The following LRRC4C variants were observed in gnomAD, a reference collection of about 807,000 sequenced individuals.
LRRC4C encodes leucine rich repeat containing 4C.
Under a neutral mutation model 33.6 loss-of-function variants are expected in LRRC4C, and 5 were observed. That is an observed-to-expected ratio of 0.15 (90% CI 0.08 to 0.31). The LOEUF is 0.31. Among genes scored for constraint, LRRC4C ranks in the 10% least tolerant of loss-of-function variants. The probability of loss-of-function intolerance (pLI) is 1.00; values close to 1 mark genes in which losing one functional copy is unlikely to be tolerated. For synonymous variants in LRRC4C, 329 were observed against 302.0 expected, an observed-to-expected ratio of 1.09 and a Z score of -0.93; for missense variants, 560 against 796.7, an observed-to-expected ratio of 0.70 and a Z score of 3.58.
intron 1 of LRRC4C, among the ~76,000 whole-genome samples, chr11:41,297,903 A>G (rs764131222): frequency 3.8e-4 from 58 of 152,184 alleles, no homozygotes; most frequent in Non-Finnish European, 6.9e-4. Context: ...TTTCACTATT[A>G]CCTTTTAATA....
rs574575208 is a variant in LRRC4C, at chr11:40,767,206, T to G, written c.-406-118928A>C. 2.0e-5 allele frequency among the ~76,000 whole-genome samples: 3 copies of G among 151,992 alleles called. No individual in the cohort carries two copies. In the South Asian group the frequency reaches 6.2e-4, roughly 32 times the overall value. ...TATTTAACAAAATAGATTTCAAGAT[T>G]AAAAACTATAAAAAAGACAAAGGAG... On this transcript the variant is annotated intron_variant, in intron 2 of 6. Coordinates refer to ENST00000528697, the MANE Select transcript of LRRC4C (RefSeq NM_001258419.2).
chr11:40,960,971 G>A (rs1850939343), intron 1 of LRRC4C, among the ~76,000 whole-genome samples: 1 of 151,650 alleles, frequency 6.6e-6, no homozygotes, highest in South Asian at 2.1e-4. Flanking sequence ...GAAGCTGTCA[G>A]GTCTCTGACA....
At chr11:40,473,506 GC>G in intron 3 of LRRC4C, among the ~76,000 whole-genome samples, 1 of 152,152 alleles carries the variant, frequency 6.6e-6, no homozygotes, top group Admixed American at 6.5e-5. Flanking sequence ...CACTGAATGG[GC>G]AAAAAACTGG....
intron 1 of LRRC4C, among the ~76,000 whole-genome samples, chr11:41,428,335 T>C (rs1955114599): frequency 1.3e-5 from 2 of 152,182 alleles, no homozygotes; most frequent in African/African-American, 2.4e-5. Context: ...AAAAAGTAAT[T>C]AAGGTTAACT....
At chr11:41,328,796 C>T (rs1951203845) in intron 1 of LRRC4C, among the ~76,000 whole-genome samples, 1 of 152,196 alleles carries the variant, frequency 6.6e-6, no homozygotes, top group African/African-American at 2.4e-5. Context: ...CTGAGTACCT[C>T]TCAGACTCAA....
chr11:40,692,104 C>T (rs962923825), intron 2 of LRRC4C, among the ~76,000 whole-genome samples: 1 of 152,048 alleles, frequency 6.6e-6, no homozygotes, highest in Non-Finnish European at 1.5e-5. Flanking sequence ...CTCCCCATCT[C>T]ATAAACCAGA....
intron 1 of LRRC4C, among the ~76,000 whole-genome samples, chr11:41,172,074 G>T (rs572764325): frequency 6.6e-6 from 1 of 152,104 alleles, no homozygotes; most frequent in Non-Finnish European, 1.5e-5. Context: ...GAGCAAGTGT[G>T]ATTATTTTGA....
At chr11:40,264,759 A>T (rs1052553907) in intron 4 of LRRC4C, among the ~76,000 whole-genome samples, 2 of 152,174 alleles carry the variant, frequency 1.3e-5, no homozygotes, top group Non-Finnish European at 2.9e-5. Flanking sequence ...GCCTGTTCTC[A>T]TTCTGAATTC....
intron 1 of LRRC4C, among the ~76,000 whole-genome samples, chr11:41,176,893 A>G (rs148373140): frequency 1.3e-5 from 2 of 152,216 alleles, no homozygotes; most frequent in African/African-American, 2.4e-5. Context: ...TGAACCTAGG[A>G]GGCAGAGGTT....
intron 2 of LRRC4C, among the ~76,000 whole-genome samples, chr11:40,674,200 C>T (rs989935715): frequency 6.6e-6 from 1 of 152,092 alleles, no homozygotes; most frequent in African/African-American, 2.4e-5. Flanking sequence ...CGACTTTCAT[C>T]GTTAATCTAA....
At chr11:41,429,417 T>C (rs900517392) in intron 1 of LRRC4C, among the ~76,000 whole-genome samples, 6 of 152,182 alleles carry the variant, frequency 3.9e-5, no homozygotes, top group African/African-American at 1.4e-4. Context: ...TTCATGGGAT[T>C]GAGTAGTCTT....
At chr11:41,360,737 A>G (rs181602925) in intron 1 of LRRC4C, among the ~76,000 whole-genome samples, 8 of 152,314 alleles carry the variant, frequency 5.3e-5, no homozygotes, top group African/African-American at 1.9e-4. Flanking sequence ...TAAGGCCCAT[A>G]TTGTTGAAGC....
intron 5 of LRRC4C, among the ~76,000 whole-genome samples, chr11:40,150,412 A>C (rs765658712): frequency 6.6e-6 from 1 of 152,212 alleles, no homozygotes; most frequent in Non-Finnish European, 1.5e-5. Flanking sequence ...GCAATGAAAA[A>C]CTCATAGAGA....
intron 1 of LRRC4C, among the ~76,000 whole-genome samples, chr11:41,057,726 T>C (rs1858735120): frequency 6.6e-6 from 1 of 152,078 alleles, no homozygotes; most frequent in Non-Finnish European, 1.5e-5. Context: ...GATATCAGGA[T>C]GACATGCCTG....
At chr11:40,309,135 T>C (rs1167072231) in intron 4 of LRRC4C, among the ~76,000 whole-genome samples, 1 of 152,214 alleles carries the variant, frequency 6.6e-6, no homozygotes, top group Admixed American at 6.5e-5. Context: ...GAATATTTTA[T>C]CATCTGAGAA....
At chr11:40,882,598 G>A (rs1024183030) in intron 2 of LRRC4C, among the ~76,000 whole-genome samples, 2 of 151,478 alleles carry the variant, frequency 1.3e-5, no homozygotes, top group Non-Finnish European at 2.9e-5. Context: ...TCTCTGCCTA[G>A]TGATGTCCTA....
chr11:40,275,133 T>G (rs1298396521), intron 4 of LRRC4C, among the ~76,000 whole-genome samples: 1 of 152,160 alleles, frequency 6.6e-6, no homozygotes, highest in Non-Finnish European at 1.5e-5. Flanking sequence ...TTGATCCCAA[T>G]GAAATAACAA....
At chr11:40,137,652 G>A (rs899207546) in intron 6 of LRRC4C, among the ~76,000 whole-genome samples, 2 of 152,086 alleles carry the variant, frequency 1.3e-5, no homozygotes, top group Non-Finnish European at 2.9e-5. Flanking sequence ...TAAGAACAAT[G>A]GAATTGGAAA....
intron 2 of LRRC4C, among the ~76,000 whole-genome samples, chr11:40,660,021 G>C (rs1480791375): frequency 6.6e-6 from 1 of 152,062 alleles, no homozygotes; most frequent in Non-Finnish European, 1.5e-5. Flanking sequence ...AGCCAGGGCT[G>C]TGACACCCTC....
Sources: allele counts gnomAD v4.1 joint callset (sites outside exome capture counted in the v4.1 genomes callset), GRCh38; gene constraint gnomAD v4.1.1; transcripts MANE v1.5; gene names NCBI Gene and HGNC (gene_info 2026-07-23, HGNC 2026-07-21).